RASGEF1A: variants seen among roughly 807,000 people sequenced by gnomAD.
RASGEF1A encodes RasGEF domain family member 1A, also known as ras-GEF domain-containing family member 1A.
Under a neutral mutation model 56.4 loss-of-function variants are expected in RASGEF1A, and 18 were observed. The observed-to-expected ratio is 0.32, with a 90% confidence interval of 0.22 to 0.47. The LOEUF is 0.47. Among genes scored for constraint, RASGEF1A ranks in the 20% least tolerant of loss-of-function variants. The pLI is 1.00. For missense variants in RASGEF1A, 422 were observed against 627.1 expected (o/e 0.67, Z 3.49); for synonymous variants, 245 against 242.6 (o/e 1.01, Z -0.09).
At chr10:43,207,343 G>A in intron 1 of RASGEF1A, 1 of 986,426 alleles carries the variant, frequency 1.0e-6, no homozygotes, top group Non-Finnish European at 1.2e-6. Context: ...CTGCCCTGTA[G>A]GGGCCTTACA....
intron 5 of RASGEF1A, 21 bp from the exon 6 acceptor site, chr10:43,200,277 G>T: frequency 6.3e-7 from 1 of 1,589,914 alleles, no homozygotes; most frequent in East Asian, 2.3e-5. Flanking sequence ...AGATAGCAAA[G>T]GGAAGGTGAC....
chr10:43,257,823 C>T (rs1836450904), intron 1 of RASGEF1A, among the ~76,000 whole-genome samples: 2 of 152,250 alleles, frequency 1.3e-5, no homozygotes, highest in South Asian at 2.1e-4. Context: ...GGCTGCATGG[C>T]TGTCCCCACT....
chr10:43,202,529 C>A, intron 3 of RASGEF1A: 1 of 451,468 alleles, frequency 2.2e-6, no homozygotes, highest in South Asian at 1.6e-5. Context: ...GATGCTCAGG[C>A]GCCGCGCCCC....
chr10:43,199,666 G>A lies in RASGEF1A; in HGVS notation c.849+10C>T. ...GCAGCCACCCCACCATGTCTGCCAT[G>A]GGCACTTACCCGGCACACCTCAGTG... On this transcript the variant is annotated intron_variant, in intron 7 of 12. Transcript: ENST00000395810. 1 of 1,611,184 alleles carries A rather than the reference G, an allele frequency of 6.2e-7. No homozygotes were observed.
chr10:43,234,075 GGGAAGGGGCT>G (rs1401551874), intron 1 of RASGEF1A, among the ~76,000 whole-genome samples: 1 of 152,224 alleles, frequency 6.6e-6, no homozygotes, highest in Non-Finnish European at 1.5e-5. Flanking sequence ...TGCTGCCCTG[GGGAAGGGGCT>G]GGAAGGGGCT....
chr10:43,254,382 G>A (rs1265087899), intron 1 of RASGEF1A, among the ~76,000 whole-genome samples: 1 of 152,182 alleles, frequency 6.6e-6, no homozygotes, highest in Admixed American at 6.5e-5. Context: ...TGGCCCTCCT[G>A]CTGAGGGCAC....
At chr10:43,249,102 A>G (rs1361699354) in intron 1 of RASGEF1A, among the ~76,000 whole-genome samples, 1 of 152,202 alleles carries the variant, frequency 6.6e-6, no homozygotes, top group East Asian at 1.9e-4. Context: ...TCCAGGCAAC[A>G]GAGGAAAGCA....
At chr10:43,205,447 C>A (rs959292333) in intron 2 of RASGEF1A, among the ~76,000 whole-genome samples, 2 of 152,188 alleles carry the variant, frequency 1.3e-5, no homozygotes, top group Admixed American at 6.5e-5. Context: ...CAGGGCAGGG[C>A]AGGCCGGGCC....
chr10:43,207,315 T>TG (rs1840009398), intron 1 of RASGEF1A: 1 of 985,166 alleles, frequency 1.0e-6, no homozygotes, highest in South Asian at 4.7e-5. Context: ...TTCAGTGCCA[T>TG]GACAGGACCG....
At chr10:43,259,652 T>C (rs1251827564) in intron 1 of RASGEF1A, among the ~76,000 whole-genome samples, 3 of 152,180 alleles carry the variant, frequency 2.0e-5, no homozygotes, top group Non-Finnish European at 4.4e-5. Context: ...GCCCATGCAC[T>C]GAGTCATAGC....
At chr10:43,208,702 C>T in intron 1 of RASGEF1A, 1 of 985,516 alleles carries the variant, frequency 1.0e-6, no homozygotes, top group Non-Finnish European at 1.2e-6. Context: ...TCTCCTGCAT[C>T]CAACAAACCA....
chr10:43,240,526 A>AT (rs1177794871), intron 1 of RASGEF1A, among the ~76,000 whole-genome samples: 1 of 152,222 alleles, frequency 6.6e-6, no homozygotes, highest in Non-Finnish European at 1.5e-5. Flanking sequence ...AGGAATACAA[A>AT]TTATAAAAAA....
Position 43,206,031 on chromosome 10 carries a change from C to A in RASGEF1A, c.86G>T (p.Gly29Val). 1 of 1,610,384 alleles carries A rather than the reference C, an allele frequency of 6.2e-7. No individual in the cohort carries two copies. Among genetic ancestry groups the A allele is most frequent in the Non-Finnish European group, 8.5e-7 (1 of 1,178,904 alleles). ...QVQPGMGERG[G>V]GAGGGSGDLI... Reference sequence around the variant, plus strand: ...GTCCCCGGAGCCGCCACCGGCCCCGCCTCCACGCTCCCCCATGCCAGGCTG... The same window carrying A: ...GTCCCCGGAGCCGCCACCGGCCCCGACTCCACGCTCCCCCATGCCAGGCTG... Residue 29 changes from glycine to valine, a missense_variant, in exon 2 of 13, where the codon GGC (glycine) becomes GTC (valine). Physicochemically the swap from Gly to Val is moderately radical, Grantham distance 109. Around this residue, in one of 2 missense-constraint regions of RASGEF1A, gnomAD observed 273 missense variants for 339.9 expected, o/e 0.80. Coordinates refer to ENST00000395810, the MANE Select transcript of RASGEF1A (RefSeq NM_145313.4).
chr10:43,208,587 G>C lies in RASGEF1A; in HGVS notation c.-6-2465C>G, dbSNP rs916211767. On this transcript the variant is annotated intron_variant, in intron 1 of 12. Coordinates refer to ENST00000395810, the MANE Select transcript of RASGEF1A (RefSeq NM_145313.4). ...TCCCTTTGGGGAGTCAGCAGAGCCT[G>C]AGGGGGACCGTGTGGAGCCGCACTG... 9.1e-6 allele frequency: 9 copies of C among 985,562 alleles called. No individual in the cohort carries two copies. The African/African-American group carries it at 1.6e-4, about 17-fold the overall frequency. 61.1% of individuals were successfully genotyped at this position (985,562 alleles called of 1,614,324 possible). A position where few individuals can be genotyped will look rare whatever the true frequency, so the allele number is the denominator to read the frequency against.
At chr10:43,266,653 G>A (rs1425311218) in intron 1 of RASGEF1A, among the ~76,000 whole-genome samples, 192 bp downstream of exon 1, 7 of 147,570 alleles carry the variant, frequency 4.7e-5, no homozygotes, top group African/African-American at 7.3e-5. Context: ...CGCGCGCCGG[G>A]ATCCCGGCCG....
chr10:43,262,970 G>A (rs1015358203), intron 1 of RASGEF1A, among the ~76,000 whole-genome samples: 2 of 152,176 alleles, frequency 1.3e-5, no homozygotes, highest in Non-Finnish European at 2.9e-5. Context: ...GAGGGGGTGA[G>A]GGAGAGCCAG....
At chr10:43,244,974 T>G (rs1428498106) in intron 1 of RASGEF1A, among the ~76,000 whole-genome samples, 1 of 150,518 alleles carries the variant, frequency 6.6e-6, no homozygotes, top group Non-Finnish European at 1.5e-5. Context: ...TGAAAGTAAA[T>G]GAAATAGAGA....
At chr10:43,216,349 C>A (rs1364847584) in intron 1 of RASGEF1A, among the ~76,000 whole-genome samples, 1 of 152,200 alleles carries the variant, frequency 6.6e-6, no homozygotes, top group Non-Finnish European at 1.5e-5. Context: ...CTCCCCTCCC[C>A]AGGAGGCTCC....
At position 43,217,721 on chromosome 10, in the gene RASGEF1A, T is replaced by G. The variant is rs535216513; in HGVS notation, c.-6-11599A>C. Among the ~76,000 whole-genome samples, 3 of 152,338 alleles carry G rather than the reference T, an allele frequency of 2.0e-5. No individual in the cohort carries two copies. The East Asian group carries it at 5.8e-4, about 29-fold the overall frequency. On this transcript the variant is annotated intron_variant, in intron 1 of 12. Transcript: ENST00000395810. ...ACTCTGCCCAGGTTGGCCCCAGGCCTGCCCTCAACAGCAGGTGCGCCACAT... is the reference window on the plus strand; with the variant it reads ...ACTCTGCCCAGGTTGGCCCCAGGCCGGCCCTCAACAGCAGGTGCGCCACAT...
Sources: gnomAD v4.1 joint callset for allele counts (sites outside exome capture counted in the v4.1 genomes callset) on GRCh38, gnomAD v4.1.1 for gene constraint, gnomAD v4.1.1 regional missense constraint, MANE v1.5 for transcripts, NCBI Gene and HGNC (gene_info 2026-07-23, HGNC 2026-07-21) for gene names.